The following UNC13C variants were observed in gnomAD, a reference collection of about 807,000 sequenced individuals.
UNC13C encodes the protein protein unc-13 homolog C.
A neutral mutation model predicts 245.4 loss-of-function variants in UNC13C; 174 were observed. The ratio of observed to expected loss-of-function variants is 0.71; its 90% CI spans 0.63 to 0.80. UNC13C has a LOEUF of 0.80. Among genes scored for constraint, UNC13C ranks in the 30% least tolerant of loss-of-function variants. UNC13C has a pLI of 0.00. For synonymous variants in UNC13C, 992 were observed against 895.1 expected (o/e 1.11, Z -1.93); for missense variants, 2,829 against 2,602.9 (o/e 1.09, Z -1.89).
the UNC13C span, among the ~76,000 whole-genome samples, chr15:53,855,603 G>A: frequency 6.6e-6 from 1 of 152,232 alleles, no homozygotes; most frequent in South Asian, 2.1e-4. Context: ...TACAGTTATT[G>A]ATCTGCCTAT....
intron 24 of UNC13C, among the ~76,000 whole-genome samples, chr15:54,513,022 T>C (rs1894819560): frequency 6.6e-6 from 1 of 152,212 alleles, no homozygotes; most frequent in Non-Finnish European, 1.5e-5. Context: ...TTCATTGCAA[T>C]CTCAGTTTTA....
chr15:54,101,294 A>G (rs1900149569), intron 2 of UNC13C, among the ~76,000 whole-genome samples: 1 of 151,810 alleles, frequency 6.6e-6, no homozygotes, highest in African/African-American at 2.4e-5. Flanking sequence ...GGCTATTACT[A>G]TTTTTACTGC....
intron 10 of UNC13C, among the ~76,000 whole-genome samples, chr15:54,280,218 A>G (rs2036939665): frequency 6.6e-6 from 1 of 152,138 alleles, no homozygotes; most frequent in Non-Finnish European, 1.5e-5. Context: ...ATGTCTATCT[A>G]CTGTATATAG....
At chr15:54,246,416 T>G (rs201697212) in intron 7 of UNC13C, among the ~76,000 whole-genome samples, 1 of 134,094 alleles carries the variant, frequency 7.5e-6, no homozygotes. Context: ...AAATAATGTT[T>G]TTTTTTTTTT....
At chr15:54,243,657 A>G (rs1057360561) in intron 7 of UNC13C, among the ~76,000 whole-genome samples, 1 of 152,098 alleles carries the variant, frequency 6.6e-6, no homozygotes, top group Non-Finnish European at 1.5e-5. Context: ...TGACTTTTTG[A>G]TAATCACCAT....
At chr15:54,506,421 A>T (rs1370467327) in intron 22 of UNC13C, among the ~76,000 whole-genome samples, 3 of 152,104 alleles carry the variant, frequency 2.0e-5, no homozygotes, top group African/African-American at 7.2e-5. Flanking sequence ...CTGATCAGTC[A>T]TCTGTTTACC....
chr15:54,430,979 A>G (rs2040860273), intron 19 of UNC13C, among the ~76,000 whole-genome samples: 1 of 151,738 alleles, frequency 6.6e-6, no homozygotes, highest in South Asian at 2.1e-4. Flanking sequence ...TTTAGAGAAA[A>G]CCTGGGCAGA....
At chr15:53,962,761 T>C in the UNC13C span, among the ~76,000 whole-genome samples, 1 of 152,206 alleles carries the variant, frequency 6.6e-6, no homozygotes, top group Admixed American at 6.5e-5. Context: ...TTAGTGACTT[T>C]CTTTTTCTTC....
intron 13 of UNC13C, among the ~76,000 whole-genome samples, chr15:54,306,600 T>C (rs1403721791): frequency 1.3e-5 from 2 of 151,944 alleles, no homozygotes; most frequent in East Asian, 3.9e-4. Flanking sequence ...ATATCAGTCA[T>C]TATGGTTTAA....
At chr15:54,436,072 AG>A (rs1247201060) in intron 19 of UNC13C, among the ~76,000 whole-genome samples, 1 of 152,028 alleles carries the variant, frequency 6.6e-6, no homozygotes, top group African/African-American at 2.4e-5. Context: ...ATCATTAAAA[AG>A]TTAGGAAACA....
chr15:54,128,156 C>T (rs1401167121), intron 2 of UNC13C, among the ~76,000 whole-genome samples: 1 of 151,956 alleles, frequency 6.6e-6, no homozygotes, highest in African/African-American at 2.4e-5. Context: ...GAACACAATC[C>T]CATTTACAAT....
chr15:54,108,077 G>A (rs1399778242), intron 2 of UNC13C, among the ~76,000 whole-genome samples: 1 of 152,128 alleles, frequency 6.6e-6, no homozygotes, highest in Non-Finnish European at 1.5e-5. Context: ...AGGATTATCT[G>A]GGTTTTATTC....
chr15:54,376,902 A>C (rs2039619286), intron 17 of UNC13C, among the ~76,000 whole-genome samples: 1 of 152,208 alleles, frequency 6.6e-6, no homozygotes, highest in Non-Finnish European at 1.5e-5. Flanking sequence ...TGCAAATGTA[A>C]CTAAGGTAAT....
At chr15:54,194,269 A>G (rs2141331923) in intron 4 of UNC13C, among the ~76,000 whole-genome samples, 1 of 152,232 alleles carries the variant, frequency 6.6e-6, no homozygotes, top group Middle Eastern at 3.4e-3. Flanking sequence ...CAAGGTTCTT[A>G]GGCAAATGCT....
chr15:54,264,004 A>G, intron 8 of UNC13C, 164 bp from the exon 9 acceptor site: 1 of 637,280 alleles, frequency 1.6e-6, no homozygotes, highest in South Asian at 2.1e-5. Flanking sequence ...GTTGTTGTGA[A>G]TCTCAGCATA....
intron 2 of UNC13C, among the ~76,000 whole-genome samples, chr15:54,132,068 C>CTT (rs2031454032): frequency 7.8e-5 from 1 of 12,814 alleles, no homozygotes; most frequent in Non-Finnish European, 1.9e-4. Context: ...CAGTTTTTTT[C>CTT]TTTTTCTTTT....
At chr15:54,552,543 ATTATATTGTATAT>A (rs1896824810) in intron 28 of UNC13C, among the ~76,000 whole-genome samples, 28 of 86,428 alleles carry the variant, frequency 3.2e-4, no homozygotes, top group African/African-American at 1.3e-3. Flanking sequence ...ATAATTATAT[ATTATATTGTATAT>A]AATTATATAT....
At chr15:54,171,859 T>C (rs961089812) in intron 4 of UNC13C, among the ~76,000 whole-genome samples, 1 of 152,096 alleles carries the variant, frequency 6.6e-6, no homozygotes, top group African/African-American at 2.4e-5. Context: ...AACCTAAGTG[T>C]CCCATCAACA....
chr15:54,315,346 T>C (rs1348389158), intron 13 of UNC13C, among the ~76,000 whole-genome samples: 1 of 151,704 alleles, frequency 6.6e-6, no homozygotes, highest in Non-Finnish European at 1.5e-5. Context: ...ATTTGTCAAG[T>C]CAAATAACTT....
Sources: allele counts gnomAD v4.1 joint callset (sites outside exome capture counted in the v4.1 genomes callset), GRCh38; gene constraint gnomAD v4.1.1; transcripts MANE v1.5; gene names NCBI Gene and HGNC (gene_info 2026-07-23, HGNC 2026-07-21).